Variants in INTS4 observed in about 807,000 individuals in gnomAD.
INTS4 encodes MSTP093.
INTS4 carries 70 observed loss-of-function variants against 119.5 expected under a neutral mutation model. That is an observed-to-expected ratio of 0.59 (90% CI 0.48 to 0.71). INTS4 has a LOEUF of 0.71. INTS4 is among the 30% of genes least tolerant of loss of function. INTS4 has a pLI of 0.00. For synonymous variants in INTS4, 316 were observed against 419.6 expected, an observed-to-expected ratio of 0.75 and a Z score of 3.02; for missense variants, 867 against 1,173.2, an observed-to-expected ratio of 0.74 and a Z score of 3.81.
At chr11:77,942,899 T>G (rs1953962173) in intron 8 of INTS4, among the ~76,000 whole-genome samples, 1 of 152,226 alleles carries the variant, frequency 6.6e-6, no homozygotes, top group African/African-American at 2.4e-5. Flanking sequence ...ACCTTTCCTA[T>G]GATTCCACAA....
intron 21 of INTS4, among the ~76,000 whole-genome samples, chr11:77,888,421 A>T (rs1347671616): frequency 7.2e-5 from 11 of 152,238 alleles, no homozygotes; most frequent in Non-Finnish European, 1.5e-5. Flanking sequence ...ACAAAAATTA[A>T]TTCAAGATGG....
chr11:77,979,886 G>A (rs1490686952), intron 3 of INTS4, among the ~76,000 whole-genome samples: 1 of 150,178 alleles, frequency 6.7e-6, no homozygotes, highest in African/African-American at 2.5e-5. Context: ...GCTGAGGCAG[G>A]AGAATCGCTT....
rs552155863 is a variant in INTS4 at position 77,944,037 on chromosome 11, G to C, written c.919-2786C>G. ...CTTAAGGCTTATAAAAGTAGTGACT[G>C]TATTCTAAATAGTCCCATGAATCTC... On this transcript the variant is annotated intron_variant, in intron 8 of 22. Transcript: ENST00000534064. Among the ~76,000 whole-genome samples, 27 of 152,292 alleles carry C rather than the reference G, an allele frequency of 1.8e-4. No individual in the cohort carries two copies. In the South Asian group the frequency reaches 5.6e-3, roughly 32 times the overall value.
At chr11:77,950,295 C>T (rs946724352) in intron 8 of INTS4, among the ~76,000 whole-genome samples, 2 of 151,868 alleles carry the variant, frequency 1.3e-5, no homozygotes, top group African/African-American at 2.4e-5. Flanking sequence ...CAGCAAACTA[C>T]CATGGCACAT....
rs534082697 is a variant in INTS4, at chr11:77,913,457, A to G, written c.1922+5364T>C. ...CTCCCGAGTAGCTGGGACTACAGGC[A>G]CCCGCCACCACGCCTGGCTAATTTT... On this transcript the variant is annotated intron_variant, in intron 15 of 22. Coordinates refer to ENST00000534064, the MANE Select transcript of INTS4 (RefSeq NM_033547.4). Among the ~76,000 whole-genome samples, 615 of 151,738 alleles carry G rather than the reference A, an allele frequency of 4.1e-3. 4 individuals carry two copies. The highest frequency in any genetic ancestry group is 0.013 in the African/African-American group (532 of 41,374).
chr11:77,904,632 G>C (rs766691109), intron 16 of INTS4, among the ~76,000 whole-genome samples: 4 of 152,180 alleles, frequency 2.6e-5, no homozygotes, highest in Non-Finnish European at 4.4e-5. Context: ...CTAAACTGTA[G>C]ATAAAAACTA....
At chr11:77,953,119 C>G (rs1401414385) in intron 8 of INTS4, among the ~76,000 whole-genome samples, 2 of 152,162 alleles carry the variant, frequency 1.3e-5, no homozygotes, top group African/African-American at 4.8e-5. Context: ...GCGCTTCACA[C>G]AGGTTTCAGC....
Position 77,907,712 on chromosome 11 carries a change from C to A in INTS4, c.2016+5G>T. 6.2e-7 allele frequency: 1 copy of A among 1,609,224 alleles called. No homozygotes were observed. The highest frequency in any genetic ancestry group is 8.5e-7 in the Non-Finnish European group (1 of 1,175,826). On this transcript the variant is annotated splice_donor_5th_base_variant and intron_variant, in intron 16 of 22. Coordinates refer to ENST00000534064, the MANE Select transcript of INTS4 (RefSeq NM_033547.4). ...CAATCATAAATGGAATGGATGCAAA[C>A]CAACCTTGATGAGAAGTAGTTGACA...
chr11:77,994,538 G>T, intron 1 of INTS4, 52 bp downstream of exon 1: 1 of 1,420,456 alleles, frequency 7.0e-7, no homozygotes, highest in Non-Finnish European at 1.0e-6. Context: ...CTGGGATTTG[G>T]ATAATCTACC....
intron 8 of INTS4, among the ~76,000 whole-genome samples, chr11:77,943,217 T>G (rs771200375): frequency 1.3e-5 from 2 of 151,948 alleles, no homozygotes; most frequent in Non-Finnish European, 2.9e-5. Context: ...ACAGAGGGAG[T>G]GCTATGCAAA....
intron 2 of INTS4, among the ~76,000 whole-genome samples, chr11:77,990,045 A>C (rs940188252): frequency 2.7e-5 from 4 of 150,398 alleles, no homozygotes; most frequent in Non-Finnish European, 5.9e-5. Flanking sequence ...GCAAAACCCC[A>C]CCTCTACTAA....
Position 77,920,232 on chromosome 11 carries a change from CATAT to C in INTS4, c.1764+1104_1764+1107del, listed in dbSNP as rs1156554906. On this transcript the variant is annotated intron_variant, in intron 14 of 22. Coordinates refer to ENST00000534064, the MANE Select transcript of INTS4 (RefSeq NM_033547.4). ...ACACATATATATACACATATACATA[CATAT>C]ATACATATATATACATATATACATA... is the stretch of plus-strand genomic sequence containing the variant. 3.8e-3 allele frequency among the ~76,000 whole-genome samples: 55 copies of C among 14,384 alleles called. No homozygotes were observed. The East Asian group carries it at 0.078, about 21-fold the overall frequency. The allele number at this position is 14,384 out of a possible 152,430, so 9.4% of individuals were successfully genotyped here. A position where few individuals can be genotyped will look rare whatever the true frequency, so the allele number is the denominator to read the frequency against.
Position 77,939,969 on chromosome 11 carries a change from G to A in INTS4, c.991-1144C>T, listed in dbSNP as rs529180636. ...AGGGTAGCAGGCATATGGGTAAATTGTTTTCCTTTCCCTTATCAAAAATTC... is the reference window on the plus strand; with the variant it reads ...AGGGTAGCAGGCATATGGGTAAATTATTTTCCTTTCCCTTATCAAAAATTC... On this transcript the variant is annotated intron_variant, in intron 9 of 22. Transcript: ENST00000534064. Among the ~76,000 whole-genome samples the A allele has an allele frequency of 6.6e-5, 10 of 152,218 alleles. No homozygotes were observed. The South Asian group carries it at 2.1e-3, about 32-fold the overall frequency.
chr11:77,968,619 T>C (rs1163820202), intron 4 of INTS4, among the ~76,000 whole-genome samples: 2 of 152,204 alleles, frequency 1.3e-5, no homozygotes, highest in African/African-American at 4.8e-5. Context: ...CACTAAACAA[T>C]ATGTTTTAAA....
At chr11:77,965,038 G>A (rs1192966360) in intron 4 of INTS4, among the ~76,000 whole-genome samples, 1 of 151,964 alleles carries the variant, frequency 6.6e-6, no homozygotes, top group African/African-American at 2.4e-5. Context: ...ATCATTTTTT[G>A]TGGTGAGACA....
Position 77,976,357 on chromosome 11 carries a change from C to CT in INTS4, c.471+2638dup, listed in dbSNP as rs573729929. 1.1e-3 allele frequency among the ~76,000 whole-genome samples: 174 copies of CT among 152,122 alleles called. 1 individual carries two copies. The highest frequency in any genetic ancestry group is 4.1e-3 in the African/African-American group (169 of 41,512). ...TCGGGCAACATAGCAAGACCTTCGTCTTTTTTTCAAAAAAATAAACAACAC... is the reference window on the plus strand; with the variant it reads ...TCGGGCAACATAGCAAGACCTTCGTCTTTTTTTTCAAAAAAATAAACAACAC... On this transcript the variant is annotated intron_variant, in intron 4 of 22. Coordinates refer to ENST00000534064, the MANE Select transcript of INTS4 (RefSeq NM_033547.4).
At position 77,929,435 on chromosome 11, in the gene INTS4, C is replaced by A. The variant is rs560085075; in HGVS notation, c.1166-888G>T. ...TGTGATGAAGTCACATGTCTGTCTA[C>A]ATTAACTTCTTGAAAATTAAATTGT... is the stretch of plus-strand genomic sequence containing the variant. On this transcript the variant is annotated intron_variant, in intron 10 of 22. Transcript: ENST00000534064. Among the ~76,000 whole-genome samples the A allele has an allele frequency of 3.3e-5, 5 of 152,320 alleles. No individual in the cohort carries two copies. In the East Asian group the frequency reaches 9.6e-4, roughly 29 times the overall value.
At chr11:77,907,876 G>T in intron 15 of INTS4, 66 bp from the exon 16 acceptor site, 1 of 1,011,176 alleles carries the variant, frequency 9.9e-7, no homozygotes, top group Non-Finnish European at 1.5e-6. Flanking sequence ...TAAAGATCAT[G>T]TCAAAAGCAT....
rs188906529 is a variant in INTS4 at position 77,917,685 on chromosome 11, T to G, written c.1922+1136A>C. ...TTTGCTTTTAGCAAAAGCAGTACTG[T>G]TTGCTCCTCAAAGATATAATTTTTT... is the stretch of plus-strand genomic sequence containing the variant. On this transcript the variant is annotated intron_variant, in intron 15 of 22. Coordinates refer to ENST00000534064, the MANE Select transcript of INTS4 (RefSeq NM_033547.4). 3.8e-3 allele frequency among the ~76,000 whole-genome samples: 574 copies of G among 151,368 alleles called. 4 individuals are homozygous for G. The highest frequency in any genetic ancestry group is 0.013 in the African/African-American group (540 of 41,356).
Sources: gnomAD v4.1 joint callset for allele counts (sites outside exome capture counted in the v4.1 genomes callset) on GRCh38, gnomAD v4.1.1 for gene constraint, MANE v1.5 for transcripts, NCBI Gene and HGNC (gene_info 2026-07-23, HGNC 2026-07-21) for gene names.